Variants in GRIP2 observed in about 807,000 individuals in gnomAD.
GRIP2 encodes the protein glutamate receptor interacting protein 2.
A neutral mutation model predicts 108.3 loss-of-function variants in GRIP2; 58 were observed. The observed-to-expected ratio is 0.54, with a 90% CI of 0.43 to 0.67. The LOEUF (loss-of-function observed/expected upper bound fraction) is 0.67. Ranked by LOEUF, GRIP2 falls within the 30% of genes least tolerant of loss-of-function variation. The pLI is 0.00. For synonymous variants in GRIP2, 586 were observed against 598.2 expected, an observed-to-expected ratio of 0.98 and a Z score of 0.30; for missense variants, 1,278 against 1,430.6, an observed-to-expected ratio of 0.89 and a Z score of 1.72.
intron 23 of GRIP2, among the ~76,000 whole-genome samples, chr3:14,494,210 A>C (rs948319183): frequency 6.6e-6 from 1 of 152,332 alleles, no homozygotes; most frequent in Admixed American, 6.5e-5. Context: ...AAGGGGTGCA[A>C]GATTTTCACT....
At chr3:14,518,460 CCCCTTCCCAGGCTGCAA>C (rs1379413259) in intron 9 of GRIP2, among the ~76,000 whole-genome samples, 3 of 152,154 alleles carry the variant, frequency 2.0e-5, no homozygotes. Context: ...GAGGCTGCTC[CCCCTTCCCAGGCTGCAA>C]CCCTTCCCAG....
upstream of GRIP2, among the ~76,000 whole-genome samples, chr3:14,558,455 T>C (rs1314163016): frequency 1.3e-5 from 2 of 151,626 alleles, no homozygotes; most frequent in African/African-American, 4.9e-5. Context: ...GCTCCATCAG[T>C]GCCTTTGGTA....
At chr3:14,565,722 C>G in the GRIP2 span, among the ~76,000 whole-genome samples, 1 of 152,192 alleles carries the variant, frequency 6.6e-6, no homozygotes, top group African/African-American at 2.4e-5. Flanking sequence ...TGTGACAGAC[C>G]CTTGCAGGGA....
chr3:14,548,260 A>T (rs1248041041), intron 1 of GRIP2, among the ~76,000 whole-genome samples: 4 of 152,182 alleles, frequency 2.6e-5, no homozygotes, highest in African/African-American at 4.8e-5. Context: ...CCGCAGACAC[A>T]GTTCTGCGGA....
Position 14,517,774 on chromosome 3 carries a change from C to T in GRIP2, c.1154G>A (p.Arg385Gln), listed in dbSNP as rs780179451. The T allele has an allele frequency of 4.3e-5, 70 of 1,610,114 alleles. No individual in the cohort carries two copies. In the South Asian group the frequency reaches 5.2e-4, roughly 12 times the overall value. ...CTACAGCAGGGCAGGCACATTACATCGGCTTTGGTCCTGGCCAGCAGGTGT... is the reference window on the plus strand; with the variant it reads ...CTACAGCAGGGCAGGCACATTACATTGGCTTTGGTCCTGGCCAGCAGGTGT... ...WATPAGQDQS[R>Q]SLSSTPFSSP... is the part of the protein sequence containing the mutation. The change falls in exon 10 of 24, where the codon CGA (arginine) becomes CAA (glutamine). Residue 385 changes from arginine to glutamine, a missense_variant and splice_region_variant. Physicochemically the swap from Arg to Gln is conservative, Grantham distance 43. Coordinates refer to ENST00000621039, the MANE Select transcript of GRIP2 (RefSeq NM_001080423.4).
rs188705290 is a variant in GRIP2 at position 14,530,331 on chromosome 3, C to T, written c.41-4400G>A. Among the ~76,000 whole-genome samples, 312 of 152,324 alleles carry T rather than the reference C, an allele frequency of 2.0e-3. 3 individuals carry two copies. The highest frequency in any genetic ancestry group is 3.4e-3 in the Non-Finnish European group (231 of 68,036). On this transcript the variant is annotated intron_variant, in intron 1 of 23. Coordinates refer to ENST00000621039, the MANE Select transcript of GRIP2 (RefSeq NM_001080423.4). ...GGCTACCAGACGCACAAACATCCCC[C>T]CATTCCTGCTGCCACCCCAGTAGAG...
rs1559333891 is a variant in GRIP2, at chr3:14,505,615, C to G, written c.2573G>C (p.Ser858Thr). The G allele has an allele frequency of 1.9e-6, 3 of 1,609,448 alleles. No homozygotes were observed. Among genetic ancestry groups the G allele is most frequent in the Non-Finnish European group, 1.7e-6 (2 of 1,177,892 alleles). The change falls in exon 20 of 24, where the codon AGC becomes ACC. Residue 858 changes from serine to threonine, a missense_variant and splice_region_variant. Transcript: ENST00000621039. This position sits in a 1 kb window ranked among gnomAD's most constrained non-coding sequence, Gnocchi z 4.2. ...CCTTCACGGTGCTCCCACCACAGAC[C>G]TCGTTGGCGGCTCCCAATCATCCTC... ...EEEDDWEPPT[S>T]PAPGPAREEG...
At chr3:14,582,813 ATC>A in the GRIP2 span, among the ~76,000 whole-genome samples, 1 of 152,192 alleles carries the variant, frequency 6.6e-6, no homozygotes, top group Admixed American at 6.5e-5. Context: ...TAGCATGCAC[ATC>A]TGTTTGTTGA....
At position 14,522,895 on chromosome 3, in the gene GRIP2, G is replaced by A. The variant is rs574779677; in HGVS notation, c.566+105C>T. On this transcript the variant is annotated intron_variant, in intron 6 of 23. Transcript: ENST00000621039. This position sits in a 1 kb window ranked among gnomAD's most constrained non-coding sequence, Gnocchi z 4.3. ...GCAGGGAGTGTTCCCTCAGGGCCTC[G>A]ATCTCTTCATCTGGGGAAGGGGCAT... 16 of 935,496 alleles carry A rather than the reference G, an allele frequency of 1.7e-5. No homozygotes were observed. The highest frequency in any genetic ancestry group is 2.4e-4 in the Middle Eastern group (1 of 4,178). The allele number at this position is 935,496 out of a possible 1,614,324, so 57.9% of individuals were successfully genotyped here. A position where few individuals can be genotyped will look rare whatever the true frequency, so the allele number is the denominator to read the frequency against.
intron 20 of GRIP2, among the ~76,000 whole-genome samples, chr3:14,504,412 C>T (rs188347510): frequency 7.3e-5 from 11 of 151,068 alleles, no homozygotes; most frequent in Admixed American, 4.0e-4. Context: ...CCTGGGTTCA[C>T]GCCATTCTCC....
At chr3:14,578,806 C>G in the GRIP2 span, among the ~76,000 whole-genome samples, 2 of 148,540 alleles carry the variant, frequency 1.3e-5, no homozygotes, top group African/African-American at 4.9e-5. Flanking sequence ...GAGCTGTGGT[C>G]TGAGCTTCAT....
At chr3:14,496,961 CTTT>C (rs56751492) in intron 21 of GRIP2, among the ~76,000 whole-genome samples, 18 of 136,422 alleles carry the variant, frequency 1.3e-4, no homozygotes, top group Non-Finnish European at 2.0e-4. Flanking sequence ...AGTCAAGACT[CTTT>C]TTTTTTTTTT....
chr3:14,504,020 G>C, intron 20 of GRIP2: 1 of 293,302 alleles, frequency 3.4e-6, no homozygotes, highest in Non-Finnish European at 6.5e-6. Context: ...TAGTCCCAGA[G>C]GACGGCCCCT....
In GRIP2 at chr3:14,525,833, T is replaced by C; in HGVS notation, c.121+18A>G. 2 of 1,553,658 alleles carry C rather than the reference T, an allele frequency of 1.3e-6. No individual in the cohort carries two copies. The highest frequency in any genetic ancestry group is 1.7e-6 in the Non-Finnish European group (2 of 1,148,312). Reference sequence around the variant, plus strand: ...GCCTCCAGGGCAGAAAAAGAGGGAATGAGGGAAGCCTCATTACCTGGAATG... The same window carrying C: ...GCCTCCAGGGCAGAAAAAGAGGGAACGAGGGAAGCCTCATTACCTGGAATG... On this transcript the variant is annotated intron_variant, in intron 2 of 23. Coordinates refer to ENST00000621039, the MANE Select transcript of GRIP2 (RefSeq NM_001080423.4).
At chr3:14,541,822 G>A, upstream of GRIP2, 5 of 1,230,550 alleles carry the variant, frequency 4.1e-6, no homozygotes, top group South Asian at 6.3e-5. Context: ...CCTGAATTTA[G>A]TGGACATTTC....
chr3:14,573,252 G>T, the GRIP2 span: 1 of 1,405,154 alleles, frequency 7.1e-7, no homozygotes, highest in Non-Finnish European at 1.0e-6. Context: ...GCCAAACTGG[G>T]AGCCAGCTGG....
chr3:14,502,218 C>T (rs920698345), intron 21 of GRIP2, among the ~76,000 whole-genome samples: 1 of 152,132 alleles, frequency 6.6e-6, no homozygotes, highest in African/African-American at 2.4e-5. Context: ...ATTGGCCAGG[C>T]ACAGTGGCTC....
chr3:14,509,099 G>A (rs1694010733), intron 17 of GRIP2, among the ~76,000 whole-genome samples: 1 of 152,034 alleles, frequency 6.6e-6, no homozygotes. Context: ...CCAGGAGCAG[G>A]GTCCACGTCC....
At position 14,511,990 on chromosome 3, in the gene GRIP2, G is replaced by A. The variant is rs550519610; in HGVS notation, c.1721-511C>T. ...TCACAATCAACAACATTTAAACACC[G>A]ATGAAGTGAGCTGTGGAGAAACCTG... On this transcript the variant is annotated intron_variant, in intron 14 of 23. Coordinates refer to ENST00000621039, the MANE Select transcript of GRIP2 (RefSeq NM_001080423.4). The surrounding 1 kb of genome is among the most constrained non-coding windows in gnomAD (Gnocchi z 4.1). 2.0e-5 allele frequency among the ~76,000 whole-genome samples: 3 copies of A among 152,340 alleles called. No individual in the cohort carries two copies. The East Asian group carries it at 5.8e-4, about 29-fold the overall frequency.
Sources: allele counts gnomAD v4.1 joint callset (sites outside exome capture counted in the v4.1 genomes callset), GRCh38; gene constraint gnomAD v4.1.1; non-coding constraint Gnocchi (gnomAD v3.1); transcripts MANE v1.5; gene names NCBI Gene and HGNC (gene_info 2026-07-23, HGNC 2026-07-21).